HELZ: variants seen among roughly 807,000 people sequenced by gnomAD.
HELZ encodes the protein helicase with zinc finger.
In HELZ, 23 loss-of-function variants were observed where a neutral mutation model predicts 218.2. The ratio of observed to expected loss-of-function variants is 0.11; its 90% CI spans 0.08 to 0.15. The LOEUF is 0.15. Ranked by LOEUF, HELZ falls within the 10% of genes least tolerant of loss-of-function variation. The probability of loss-of-function intolerance (pLI) is 1.00; values close to 1 mark genes in which losing one functional copy is unlikely to be tolerated. For missense variants in HELZ, 1,813 were observed against 2,353.7 expected (o/e 0.77, Z 4.75); for synonymous variants, 814 against 829.4 (o/e 0.98, Z 0.32).
chr17:67,219,427 C>A (rs2040687008), intron 3 of HELZ, among the ~76,000 whole-genome samples: 1 of 152,184 alleles, frequency 6.6e-6, no homozygotes, highest in Admixed American at 6.5e-5. Context: ...CAGATTCTAG[C>A]AAGACAGGCA....
At chr17:67,081,409 T>C (rs767590691) in intron 32 of HELZ, among the ~76,000 whole-genome samples, 1 of 152,144 alleles carries the variant, frequency 6.6e-6, no homozygotes, top group Non-Finnish European at 1.5e-5. Context: ...AGGTTAATAT[T>C]AGACAACAGA....
Position 67,167,703 on chromosome 17 carries a change from A to C in HELZ, c.1524T>G (p.Phe508Leu). The C allele has an allele frequency of 6.2e-7, 1 of 1,614,158 alleles. No individual in the cohort carries two copies. Among genetic ancestry groups the C allele is most frequent in the Non-Finnish European group, 8.5e-7 (1 of 1,180,002 alleles). ...GAKYAQNGQL[F>L]GRFKLTETLS... The stretch of plus-strand genomic sequence containing the variant: ...GTGTTTCAGTAAGCTTAAAGCGACC[A>C]AAAAGTTGTCCATTCTGAGCATACT... The change falls in exon 14 of 33, where the codon TTT becomes TTG. Residue 508 changes from phenylalanine (F) to leucine (L), a missense_variant. Physicochemically the swap from Phe to Leu is conservative, Grantham distance 22 (BLOSUM62 0). Around this residue, in one of 4 missense-constraint regions of HELZ, gnomAD observed 714 missense variants for 1,029.2 expected, o/e 0.69. Transcript: ENST00000358691.
At position 67,195,572 on chromosome 17, in the gene HELZ, C is replaced by T. The variant is rs2144322074; in HGVS notation, c.430-102G>A. ...TTAAAACAAAGGTGAAGTTGGAATA[C>T]TCAGAAATTTTTAATAACATTAATA... On this transcript the variant is annotated intron_variant, in intron 7 of 32. Coordinates refer to ENST00000358691, the MANE Select transcript of HELZ (RefSeq NM_014877.4). 7.4e-6 allele frequency: 5 copies of T among 680,148 alleles called. No homozygotes were observed. The Middle Eastern group carries it at 1.2e-3, about 169-fold the overall frequency. The allele number at this position is 680,148 out of a possible 1,614,324, so 42.1% of individuals were successfully genotyped here.
intron 2 of HELZ, among the ~76,000 whole-genome samples, chr17:67,241,466 GGCTACTTAC>G (rs1271783914): frequency 6.6e-6 from 1 of 152,160 alleles, no homozygotes; most frequent in East Asian, 1.9e-4. Context: ...GTAAGATCTG[GGCTACTTAC>G]TTGTAGGTCC....
At chr17:67,161,498 A>G (rs1286043735) in intron 15 of HELZ, among the ~76,000 whole-genome samples, 1 of 152,242 alleles carries the variant, frequency 6.6e-6, no homozygotes, top group African/African-American at 2.4e-5. Context: ...CAATAGGGAA[A>G]CTATCTGAAT....
chr17:67,233,872 C>T (rs1274946685), intron 3 of HELZ, among the ~76,000 whole-genome samples: 1 of 151,808 alleles, frequency 6.6e-6, no homozygotes, highest in Non-Finnish European at 1.5e-5. Context: ...AACCCCCACC[C>T]CCGTCTCTAC....
intron 17 of HELZ, among the ~76,000 whole-genome samples, chr17:67,159,957 TATC>T (rs1391848477): frequency 6.6e-6 from 1 of 152,192 alleles, no homozygotes; most frequent in Non-Finnish European, 1.5e-5. Flanking sequence ...TAATTTAAGT[TATC>T]ATATTTATAT....
chr17:67,162,253 A>AAT (rs1236719276), intron 15 of HELZ, among the ~76,000 whole-genome samples: 3 of 152,082 alleles, frequency 2.0e-5, no homozygotes, highest in Admixed American at 1.3e-4. Flanking sequence ...CTATCTCTAC[A>AAT]ATATATATAT....
chr17:67,187,487 G>C (rs1464895376), intron 12 of HELZ, among the ~76,000 whole-genome samples: 1 of 152,156 alleles, frequency 6.6e-6, no homozygotes, highest in Non-Finnish European at 1.5e-5. Flanking sequence ...CTACTTCTAG[G>C]TTCTCATGAA....
At chr17:67,133,522 C>A (rs1445784028) in intron 23 of HELZ, among the ~76,000 whole-genome samples, 1 of 151,900 alleles carries the variant, frequency 6.6e-6, no homozygotes, top group African/African-American at 2.4e-5. Flanking sequence ...TGACACTATT[C>A]TTTTTTTTAT....
chr17:67,213,138 C>T (rs573728734), intron 5 of HELZ, among the ~76,000 whole-genome samples: 1 of 152,196 alleles, frequency 6.6e-6, no homozygotes, highest in East Asian at 1.9e-4. Context: ...GTTTGTACAT[C>T]TCCAAAAAAA....
intron 17 of HELZ, among the ~76,000 whole-genome samples, chr17:67,159,483 A>G (rs1461875648): frequency 6.6e-6 from 1 of 152,180 alleles, no homozygotes; most frequent in East Asian, 1.9e-4. Context: ...TCAAAAGTGC[A>G]GTTAGAAATT....
chr17:67,133,591 T>C (rs1313313062), intron 23 of HELZ, among the ~76,000 whole-genome samples: 1 of 152,120 alleles, frequency 6.6e-6, no homozygotes, highest in Non-Finnish European at 1.5e-5. Flanking sequence ...GCGTGATCAC[T>C]AGAGCCTCAA....
intron 3 of HELZ, among the ~76,000 whole-genome samples, chr17:67,230,270 T>C (rs977632048): frequency 2.5e-4 from 38 of 152,112 alleles, no homozygotes; most frequent in African/African-American, 9.2e-4. Context: ...CTTATTAATT[T>C]AAAAGATATG....
chr17:67,082,313 C>T (rs2036219624), intron 32 of HELZ, among the ~76,000 whole-genome samples: 1 of 152,176 alleles, frequency 6.6e-6, no homozygotes, highest in Admixed American at 6.5e-5. Context: ...ACTGAAACCA[C>T]AAGAAACCCC....
chr17:67,166,606 A>G lies in HELZ; in HGVS notation c.1767T>C (p.Val589=). ...ATCGATTTAATTGAAACTGAAGTTC[A>G]ACCTGAAAGACAAAATGAATGTTTT... is the stretch of plus-strand genomic sequence containing the variant. ...LNLRPDCDTQ[V]ELQFQLNRLP... The change falls in exon 15 of 33, where the codon GTT becomes GTC. Residue 589 remains valine (V), a splice_region_variant and synonymous_variant. Transcript: ENST00000358691. 1 of 1,613,366 alleles carries G rather than the reference A, an allele frequency of 6.2e-7. No individual in the cohort carries two copies.
chr17:67,245,576 G>A (rs2041462572), upstream of HELZ: 13 of 953,932 alleles, frequency 1.4e-5, no homozygotes, highest in Non-Finnish European at 1.5e-5. Flanking sequence ...ATTTGTGCGC[G>A]TGGATGTGAG....
In HELZ at chr17:67,070,951, C is replaced by A. The variant is rs1489565029; in HGVS notation, c.*7301G>T. ...TAACTGATCTATGAAGTTAGCTGAACAAGTTTAGATAAGAACTATATGTAT... is the reference window on the plus strand; with the variant it reads ...TAACTGATCTATGAAGTTAGCTGAAAAAGTTTAGATAAGAACTATATGTAT... On this transcript the variant is annotated 3_prime_UTR_variant, in exon 33 of 33. Coordinates refer to ENST00000358691, the MANE Select transcript of HELZ (RefSeq NM_014877.4). 1 of 151,870 alleles carries A rather than the reference C, an allele frequency of 6.6e-6. No individual in the cohort carries two copies. The highest frequency in any genetic ancestry group is 2.1e-4 in the South Asian group (1 of 4,806). 9.4% of individuals were successfully genotyped at this position (151,870 alleles called of 1,614,324 possible).
chr17:67,171,655 A>G (rs1414041947), intron 13 of HELZ, among the ~76,000 whole-genome samples: 1 of 152,144 alleles, frequency 6.6e-6, no homozygotes, highest in Non-Finnish European at 1.5e-5. Flanking sequence ...CAAATCTGGT[A>G]AGTAGCTTTC....
Sources: gnomAD v4.1 joint callset for allele counts (sites outside exome capture counted in the v4.1 genomes callset) on GRCh38, gnomAD v4.1.1 for gene constraint, gnomAD v4.1.1 regional missense constraint, MANE v1.5 for transcripts, NCBI Gene and HGNC (gene_info 2026-07-23, HGNC 2026-07-21) for gene names.